Variants in SMIM23 observed in about 807,000 individuals in gnomAD.
SMIM23 encodes the protein CTB-78H18.1.
Under a neutral mutation model 12.8 loss-of-function variants are expected in SMIM23, and 10 were observed. The ratio of observed to expected loss-of-function variants is 0.78; its 90% CI spans 0.48 to 1.32. The LOEUF is 1.32. Among genes scored for constraint, SMIM23 ranks in the 40% most tolerant of loss-of-function variants. SMIM23 has a pLI of 0.00. For missense variants in SMIM23, 184 were observed against 198.2 expected, an observed-to-expected ratio of 0.93 and a Z score of 0.43; for synonymous variants, 78 against 80.1, an observed-to-expected ratio of 0.97 and a Z score of 0.14.
At chr5:171,782,055 T>G (rs153757), upstream of SMIM23, among the ~76,000 whole-genome samples, 1 of 151,882 alleles carries the variant, frequency 6.6e-6, no homozygotes, top group East Asian at 1.9e-4. Context: ...CTTAGGTACC[T>G]TTCTAGGTTG....
At chr5:171,784,849 C>T (rs1307441370), upstream of SMIM23, among the ~76,000 whole-genome samples, 2 of 151,958 alleles carry the variant, frequency 1.3e-5, no homozygotes, top group East Asian at 3.9e-4. Context: ...ACACAGCAGT[C>T]AAAAAGAATG....
At position 171,790,230 on chromosome 5, in the gene SMIM23, A is replaced by G; in HGVS notation, c.106A>G (p.Thr36Ala). The change falls in exon 2 of 4, where the codon ACG (threonine) becomes GCG (alanine). Residue 36 changes from threonine (T) to alanine (A), a missense_variant and splice_region_variant. Thr to Ala is a moderately conservative substitution (Grantham distance 58). Coordinates refer to ENST00000523047, the MANE Select transcript of SMIM23 (RefSeq NM_001289970.2). The stretch of plus-strand genomic sequence containing the variant: ...TCCTCTTCCTCTTCTTGCACCCTAG[A>G]CGCTGTTGGCATTGCTGATCTTGGT... ...RGSHCDDEKQTLLALLILVLY... is the reference protein window; with the variant it reads ...RGSHCDDEKQALLALLILVLY... The G allele has an allele frequency of 6.5e-7, 1 of 1,536,130 alleles. No individual in the cohort carries two copies. Among genetic ancestry groups the G allele is most frequent in the Non-Finnish European group, 8.7e-7 (1 of 1,146,912 alleles).
upstream of SMIM23, among the ~76,000 whole-genome samples, chr5:171,777,691 C>T (rs1225392179): frequency 6.6e-6 from 1 of 152,172 alleles, no homozygotes; most frequent in Non-Finnish European, 1.5e-5. Flanking sequence ...CTCCTGGGGC[C>T]GAGAGCTCGG....
upstream of SMIM23, among the ~76,000 whole-genome samples, chr5:171,785,681 CAT>C (rs1755801427): frequency 6.6e-6 from 1 of 152,162 alleles, no homozygotes; most frequent in South Asian, 2.1e-4. Context: ...TTTCTACACT[CAT>C]GTGAAAAATA....
the SMIM23 span, chr5:171,773,823 A>G: frequency 2.2e-6 from 1 of 456,354 alleles, no homozygotes; most frequent in East Asian, 6.9e-5. Flanking sequence ...TCTAGATTGT[A>G]TGAGAAAGCT....
upstream of SMIM23, among the ~76,000 whole-genome samples, chr5:171,784,172 G>A (rs1453319260): frequency 3.3e-5 from 5 of 152,136 alleles, no homozygotes; most frequent in Admixed American, 2.0e-4. Context: ...AAACCACAAT[G>A]AGATGTTACT....
chr5:171,778,447 T>TCTCA (rs1332818322), upstream of SMIM23, among the ~76,000 whole-genome samples: 216 of 141,638 alleles, frequency 1.5e-3, 1 homozygote, highest in African/African-American at 5.0e-3. Flanking sequence ...TGGGAAAATT[T>TCTCA]CACACACACA....
chr5:171,784,783 T>C (rs1305576688), upstream of SMIM23, among the ~76,000 whole-genome samples: 2 of 152,192 alleles, frequency 1.3e-5, no homozygotes, highest in South Asian at 2.1e-4. Flanking sequence ...GCAGCTGGGT[T>C]TTGAACAGGT....
At chr5:171,790,667 G>A in intron 3 of SMIM23, 118 bp downstream of exon 3, 20 of 1,375,050 alleles carry the variant, frequency 1.5e-5, no homozygotes, top group Non-Finnish European at 1.9e-5. Flanking sequence ...CAGAAGGTGG[G>A]AACAGGTACT....
At chr5:171,774,873 C>A in the SMIM23 span, 1 of 328,538 alleles carries the variant, frequency 3.0e-6, no homozygotes. Flanking sequence ...TTTTTATTAA[C>A]GTGGCCTGAA....
At chr5:171,777,891 C>A (rs1244515265), upstream of SMIM23, among the ~76,000 whole-genome samples, 1 of 152,220 alleles carries the variant, frequency 6.6e-6, no homozygotes, top group Non-Finnish European at 1.5e-5. Context: ...CCTACCTCAG[C>A]CTAGCAGCTG....
At chr5:171,787,169 G>A (rs1436523260) in intron 1 of SMIM23, among the ~76,000 whole-genome samples, 2 of 151,726 alleles carry the variant, frequency 1.3e-5, no homozygotes, top group East Asian at 1.9e-4. Context: ...ACAGGCGCCC[G>A]CCACCACACC....
chr5:171,777,779 T>C (rs9313560), upstream of SMIM23, among the ~76,000 whole-genome samples: 24,601 of 152,056 alleles, frequency 0.16, 2,383 homozygotes, highest in African/African-American at 0.26. Flanking sequence ...ACTCAGCTGC[T>C]CCATCCCTCC....
chr5:171,774,526 C>T, the SMIM23 span: 7 of 456,082 alleles, frequency 1.5e-5, no homozygotes, highest in African/African-American at 6.0e-5. Flanking sequence ...AGCAGTCCCA[C>T]GCCCCTTGTG....
chr5:171,781,841 A>G (rs1247142968), upstream of SMIM23, among the ~76,000 whole-genome samples: 1 of 152,154 alleles, frequency 6.6e-6, no homozygotes, highest in Non-Finnish European at 1.5e-5. Context: ...TTGTAAAAGC[A>G]CCAATCAGCA....
At chr5:171,785,272 A>AG (rs139370457), upstream of SMIM23, among the ~76,000 whole-genome samples, 1,685 of 152,338 alleles carry the variant, frequency 0.011, 33 homozygotes, top group African/African-American at 0.038. Flanking sequence ...GCAGTGAGGC[A>AG]GGATATTACT....
At chr5:171,790,396 C>A in intron 2 of SMIM23, 86 bp from the exon 3 acceptor site, 1 of 1,498,578 alleles carries the variant, frequency 6.7e-7, no homozygotes, top group South Asian at 1.2e-5. Flanking sequence ...CTCCCACTGA[C>A]CCTTCATCAC....
At chr5:171,774,018 A>G in the SMIM23 span, 1 of 364,968 alleles carries the variant, frequency 2.7e-6, no homozygotes, top group Non-Finnish European at 5.4e-6. Context: ...CGCAGGAGGC[A>G]GTGTGTGGTT....
chr5:171,785,191 T>A (rs564094736), upstream of SMIM23, among the ~76,000 whole-genome samples: 1 of 152,034 alleles, frequency 6.6e-6, no homozygotes, highest in East Asian at 1.9e-4. Context: ...TGAGAACAAG[T>A]AACACTGGGG....
Sources: allele counts gnomAD v4.1 joint callset (sites outside exome capture counted in the v4.1 genomes callset), GRCh38; gene constraint gnomAD v4.1.1; transcripts MANE v1.5; gene names NCBI Gene and HGNC (gene_info 2026-07-23, HGNC 2026-07-21).